The following MAP3K13 variants were observed in gnomAD, a reference collection of about 807,000 sequenced individuals.
MAP3K13 encodes the protein leucine zipper-bearing kinase.
In MAP3K13, 52 loss-of-function variants were observed where a neutral mutation model predicts 104.0. The ratio of observed to expected loss-of-function variants is 0.50; its 90% CI spans 0.40 to 0.63. MAP3K13 has a LOEUF of 0.63. MAP3K13 is among the 20% of genes least tolerant of loss of function. The probability of loss-of-function intolerance (pLI) is 0.00; values close to 1 mark genes in which losing one functional copy is unlikely to be tolerated. For missense variants in MAP3K13, 914 were observed against 1,218.5 expected (o/e 0.75, Z 3.72); for synonymous variants, 394 against 442.2 (o/e 0.89, Z 1.37).
rs1401450881 is a variant in MAP3K13, at chr3:185,418,512, C to G, written c.-85-9985C>G. 9 of 1,611,944 alleles carry G rather than the reference C, an allele frequency of 5.6e-6. No individual in the cohort carries two copies. The African/African-American group carries it at 1.1e-4, about 19-fold the overall frequency. On this transcript the variant is annotated intron_variant, in intron 1 of 13. Coordinates refer to ENST00000265026, the MANE Select transcript of MAP3K13 (RefSeq NM_004721.5). The surrounding 1 kb of genome is among the most constrained non-coding windows in gnomAD (Gnocchi z 4.5). ...CACGACACATGTTTCCAAAAGCACC[C>G]TGGCCAGAGCGGTGAGTCCCACCAC... is the stretch of plus-strand genomic sequence containing the variant.
At chr3:185,392,013 T>C (rs1191553757) in intron 1 of MAP3K13, among the ~76,000 whole-genome samples, 1 of 152,174 alleles carries the variant, frequency 6.6e-6, no homozygotes, top group Non-Finnish European at 1.5e-5. Context: ...TGGGACCATA[T>C]AGAGAATTCG....
chr3:185,448,233 T>A, intron 5 of MAP3K13: 1 of 460,392 alleles, frequency 2.2e-6, no homozygotes, highest in Non-Finnish European at 4.0e-6. Flanking sequence ...CAAATGATCA[T>A]TTAGTATAGA....
chr3:185,369,976 G>T (rs1482068750), intron 1 of MAP3K13, among the ~76,000 whole-genome samples: 2 of 152,152 alleles, frequency 1.3e-5, no homozygotes, highest in Non-Finnish European at 2.9e-5. Flanking sequence ...CCTTAGCAAG[G>T]CAGTTACCCA....
intron 1 of MAP3K13, among the ~76,000 whole-genome samples, chr3:185,390,767 G>A (rs1337643876): frequency 1.3e-5 from 2 of 151,230 alleles, no homozygotes; most frequent in Non-Finnish European, 2.9e-5. Context: ...GGGACTACAG[G>A]CGCCCACCAC....
At chr3:185,438,110 T>C (rs142136267) in intron 3 of MAP3K13, among the ~76,000 whole-genome samples, 163 of 152,116 alleles carry the variant, frequency 1.1e-3, no homozygotes, top group African/African-American at 3.9e-3. Context: ...CTGGGCAATA[T>C]AGTGGAACCC....
rs1317606731 is a variant in MAP3K13, at chr3:185,482,241, C to T, written c.2800-114C>T. ...GTCCCACAAGGACAGGACCTGGTCTCGTTTACCTTTGTAGCCCCCTTACCA... is the reference window on the plus strand; with the variant it reads ...GTCCCACAAGGACAGGACCTGGTCTTGTTTACCTTTGTAGCCCCCTTACCA... On this transcript the variant is annotated intron_variant, in intron 13 of 13. Transcript: ENST00000265026. The surrounding 1 kb of genome is among the most constrained non-coding windows in gnomAD (Gnocchi z 4.5). 3 of 735,674 alleles carry T rather than the reference C, an allele frequency of 4.1e-6. No homozygotes were observed. Among genetic ancestry groups the T allele is most frequent in the South Asian group, 3.2e-5 (2 of 62,714 alleles). 45.6% of individuals were successfully genotyped at this position (735,674 alleles called of 1,614,324 possible). A position where few individuals can be genotyped will look rare whatever the true frequency, so the allele number is the denominator to read the frequency against.
intron 3 of MAP3K13, among the ~76,000 whole-genome samples, chr3:185,440,630 G>A (rs1029596926): frequency 2.0e-5 from 3 of 152,144 alleles, no homozygotes; most frequent in Admixed American, 1.3e-4. Flanking sequence ...TGTGGCATTT[G>A]ACAGGCACAT....
chr3:185,367,895 C>T (rs1362316021), intron 1 of MAP3K13, among the ~76,000 whole-genome samples: 3 of 152,210 alleles, frequency 2.0e-5, no homozygotes, highest in Admixed American at 2.0e-4. Flanking sequence ...TGTGCCCAGC[C>T]TACATGGCTA....
intron 1 of MAP3K13, among the ~76,000 whole-genome samples, chr3:185,427,399 TAA>T (rs1288793267): frequency 2.0e-5 from 3 of 152,066 alleles, no homozygotes; most frequent in Non-Finnish European, 4.4e-5. Context: ...TGAATAAATT[TAA>T]GATTGACTAT....
chr3:185,307,547 T>TAC (rs1721333698), intron 2 of MAP3K13, among the ~76,000 whole-genome samples: 1 of 110,230 alleles, frequency 9.1e-6, no homozygotes, highest in East Asian at 3.0e-4. Context: ...CACCACCCCC[T>TAC]CCCCCGCCAC....
At chr3:185,463,471 A>C (rs1319241286) in intron 7 of MAP3K13, 79 bp from the exon 8 acceptor site, 1 of 792,728 alleles carries the variant, frequency 1.3e-6, no homozygotes, top group Non-Finnish European at 2.1e-6. Flanking sequence ...AGGGAAAAAA[A>C]ATCTTGTACG....
At chr3:185,412,633 A>G (rs1431703938) in intron 1 of MAP3K13, among the ~76,000 whole-genome samples, 1 of 152,256 alleles carries the variant, frequency 6.6e-6, no homozygotes, top group African/African-American at 2.4e-5. Flanking sequence ...TTGAATCATT[A>G]CTTTAAAAAT....
chr3:185,415,854 A>G (rs1281084992), intron 1 of MAP3K13, among the ~76,000 whole-genome samples: 5 of 152,138 alleles, frequency 3.3e-5, no homozygotes, highest in African/African-American at 4.8e-5. Context: ...AAGTGCCGGG[A>G]TTGCAGGTGT....
intron 2 of MAP3K13, chr3:185,292,114 G>A: frequency 2.3e-6 from 1 of 438,786 alleles, no homozygotes; most frequent in Non-Finnish European, 3.0e-6. Flanking sequence ...AGACCAGCCT[G>A]GCCAACATGG....
At chr3:185,377,505 A>C (rs1382697388) in intron 1 of MAP3K13, among the ~76,000 whole-genome samples, 2 of 152,154 alleles carry the variant, frequency 1.3e-5, no homozygotes. Context: ...ATTTAGTTAA[A>C]ATGTCTTGAC....
In MAP3K13 at chr3:185,480,483, C is replaced by T. The variant is rs765061704; in HGVS notation, c.2753C>T (p.Thr918Ile). 3 of 1,614,186 alleles carry T rather than the reference C, an allele frequency of 1.9e-6. No individual in the cohort carries two copies. In the Admixed American group the frequency reaches 5.0e-5, roughly 27 times the overall value. The stretch of plus-strand genomic sequence containing the variant: ...GAGTGTGCCGTGCGCCGTGTGAAGA[C>T]TCAGATGTCTCTGGGCAAGCTGTGT... ...DKECAVRRVK[T>I]QMSLGKLCVE... Residue 918 changes from threonine (T) to isoleucine (I), a missense_variant, in exon 13 of 14, where the codon ACT becomes ATT. Transcript: ENST00000265026.
At chr3:185,455,017 G>GAT (rs1226703998) in intron 7 of MAP3K13, among the ~76,000 whole-genome samples, 558 of 17,736 alleles carry the variant, frequency 0.031, 59 homozygotes, top group South Asian at 0.07. Flanking sequence ...AGATATATAT[G>GAT]ATATATATGA....
chr3:185,344,179 C>T (rs979587215), intron 2 of MAP3K13, among the ~76,000 whole-genome samples: 4 of 151,334 alleles, frequency 2.6e-5, no homozygotes, highest in African/African-American at 9.7e-5. Context: ...TCTATACCTG[C>T]TATGGGTCTG....
At chr3:185,336,555 A>G (rs1013749544) in intron 2 of MAP3K13, among the ~76,000 whole-genome samples, 3 of 88,246 alleles carry the variant, frequency 3.4e-5, no homozygotes, top group Non-Finnish European at 6.5e-5. Context: ...AAAAAAAAAA[A>G]AAGAAAAGAA....
Sources: gnomAD v4.1 joint callset for allele counts (sites outside exome capture counted in the v4.1 genomes callset) on GRCh38, gnomAD v4.1.1 for gene constraint, Gnocchi (gnomAD v3.1) non-coding constraint, MANE v1.5 for transcripts, NCBI Gene and HGNC (gene_info 2026-07-23, HGNC 2026-07-21) for gene names.